The following PPM1L variants were observed in gnomAD, a reference collection of about 807,000 sequenced individuals.
PPM1L encodes the protein protein phosphatase, Mg2+/Mn2+ dependent 1L.
PPM1L carries 13 observed loss-of-function variants against 31.4 expected under a neutral mutation model. That is an observed-to-expected ratio of 0.41 (90% CI 0.27 to 0.66). The LOEUF is 0.66. PPM1L is among the 30% of genes least tolerant of loss of function. The pLI is 0.29. For synonymous variants in PPM1L, 184 were observed against 175.4 expected, an observed-to-expected ratio of 1.05 and a Z score of -0.39; for missense variants, 326 against 453.7, an observed-to-expected ratio of 0.72 and a Z score of 2.56.
At chr3:160,978,969 G>A (rs905049135) in intron 2 of PPM1L, among the ~76,000 whole-genome samples, 2 of 151,814 alleles carry the variant, frequency 1.3e-5, no homozygotes, top group Non-Finnish European at 2.9e-5. Context: ...ACTCTATACT[G>A]GAATACTCTC....
At chr3:160,949,125 A>C (rs1377078147) in intron 1 of PPM1L, among the ~76,000 whole-genome samples, 1 of 152,168 alleles carries the variant, frequency 6.6e-6, no homozygotes, top group Non-Finnish European at 1.5e-5. Context: ...TGGTTGGAAT[A>C]CCAGCCATGA....
chr3:160,996,733 A>G (rs1274963401), intron 2 of PPM1L, among the ~76,000 whole-genome samples: 2 of 152,192 alleles, frequency 1.3e-5, no homozygotes, highest in Non-Finnish European at 2.9e-5. Flanking sequence ...AGAAATCACC[A>G]CTAAAGAACT....
At chr3:160,910,239 C>T (rs1423833581) in intron 1 of PPM1L, among the ~76,000 whole-genome samples, 13 of 73,190 alleles carry the variant, frequency 1.8e-4, no homozygotes, top group Middle Eastern at 6.5e-3. Context: ...TTCCCCTTCC[C>T]CTTTCCTTTC....
chr3:160,806,833 AAAG>A (rs1322424704), intron 1 of PPM1L, among the ~76,000 whole-genome samples: 1 of 151,330 alleles, frequency 6.6e-6, no homozygotes, highest in Non-Finnish European at 1.5e-5. Context: ...GAAAAGAAAG[AAAG>A]AAGGAAAGAA....
chr3:161,044,196 C>T (rs1226232437), intron 2 of PPM1L, among the ~76,000 whole-genome samples: 8 of 151,908 alleles, frequency 5.3e-5, no homozygotes, highest in South Asian at 2.1e-4. Context: ...TGTACCAACA[C>T]GCCCAGCTAA....
intron 1 of PPM1L, among the ~76,000 whole-genome samples, chr3:160,855,691 T>C (rs1243648472): frequency 5.3e-5 from 8 of 152,152 alleles, no homozygotes; most frequent in African/African-American, 1.9e-4. Context: ...GAATGGTGAT[T>C]ATTGAAAAGT....
At chr3:160,836,316 AAG>A (rs113812255) in intron 1 of PPM1L, among the ~76,000 whole-genome samples, 7,308 of 146,474 alleles carry the variant, frequency 0.05, 190 homozygotes, top group Middle Eastern at 0.085. Flanking sequence ...GAAGGAAAGG[AAG>A]AGAGAGAGAG....
intron 1 of PPM1L, among the ~76,000 whole-genome samples, chr3:160,947,538 A>G (rs1422068203): frequency 6.6e-6 from 1 of 151,902 alleles, no homozygotes; most frequent in African/African-American, 2.4e-5. Context: ...TTCACCCCCA[A>G]CCAGGCTATT....
At chr3:160,876,425 A>G (rs1217909627) in intron 1 of PPM1L, among the ~76,000 whole-genome samples, 1 of 152,168 alleles carries the variant, frequency 6.6e-6, no homozygotes, top group Non-Finnish European at 1.5e-5. Context: ...GTTGAATGAG[A>G]TCCTGATTAC....
At chr3:160,770,443 A>G (rs1398480444) in intron 1 of PPM1L, among the ~76,000 whole-genome samples, 1 of 152,238 alleles carries the variant, frequency 6.6e-6, no homozygotes, top group East Asian at 1.9e-4. Flanking sequence ...ACCTGTAGAA[A>G]GTAAGAGCCA....
chr3:160,948,161 G>A (rs1399104881), intron 1 of PPM1L, among the ~76,000 whole-genome samples: 1 of 152,186 alleles, frequency 6.6e-6, no homozygotes, highest in South Asian at 2.1e-4. Context: ...TTTTCTTATG[G>A]AGTTGAAGTC....
chr3:160,809,831 T>C (rs1712756013), intron 1 of PPM1L, among the ~76,000 whole-genome samples: 1 of 152,096 alleles, frequency 6.6e-6, no homozygotes, highest in African/African-American at 2.4e-5. Context: ...TGAAGCCTGG[T>C]GGAATGAAAA....
intron 1 of PPM1L, among the ~76,000 whole-genome samples, chr3:160,917,493 ATTATATC>A (rs1443808993): frequency 1.3e-5 from 2 of 152,162 alleles, no homozygotes; most frequent in East Asian, 3.9e-4. Flanking sequence ...TAAAATAGAT[ATTATATC>A]TCATATCTCA....
At chr3:160,891,349 T>C (rs1431407490) in intron 1 of PPM1L, among the ~76,000 whole-genome samples, 2 of 151,952 alleles carry the variant, frequency 1.3e-5, no homozygotes, top group South Asian at 4.1e-4. Flanking sequence ...ATTTCAAGAA[T>C]GTCTTCTTGA....
chr3:160,852,647 C>G (rs1040098847), intron 1 of PPM1L, among the ~76,000 whole-genome samples: 5 of 152,180 alleles, frequency 3.3e-5, no homozygotes, highest in African/African-American at 1.2e-4. Context: ...TTAACTCATT[C>G]TCTTTAAACA....
At chr3:161,009,849 A>G (rs1238154324) in intron 2 of PPM1L, among the ~76,000 whole-genome samples, 3 of 152,152 alleles carry the variant, frequency 2.0e-5, no homozygotes, top group Non-Finnish European at 2.9e-5. Context: ...CTTGCTCTAT[A>G]CTATTAATTA....
chr3:160,955,481 ATT>A (rs1715739659), intron 1 of PPM1L, among the ~76,000 whole-genome samples: 1 of 151,734 alleles, frequency 6.6e-6, no homozygotes, highest in Non-Finnish European at 1.5e-5. Context: ...ATTCATGCGT[ATT>A]TTTGCATTAC....
At chr3:160,802,980 A>G (rs1310340769) in intron 1 of PPM1L, among the ~76,000 whole-genome samples, 3 of 152,216 alleles carry the variant, frequency 2.0e-5, no homozygotes, top group Non-Finnish European at 2.9e-5. Flanking sequence ...AATTCCCTTC[A>G]TGGATTAACT....
intron 1 of PPM1L, among the ~76,000 whole-genome samples, chr3:160,935,312 T>C (rs1714933574): frequency 6.6e-6 from 1 of 152,204 alleles, no homozygotes; most frequent in African/African-American, 2.4e-5. Context: ...GTTGCTCTTA[T>C]CTCCACCCTA....
Sources: allele counts gnomAD v4.1 joint callset (sites outside exome capture counted in the v4.1 genomes callset), GRCh38; gene constraint gnomAD v4.1.1; transcripts MANE v1.5; gene names NCBI Gene and HGNC (gene_info 2026-07-23, HGNC 2026-07-21).